Variants in KCNAB1 observed in about 807,000 individuals in gnomAD.
The protein encoded by KCNAB1 is potassium voltage-gated channel subfamily A regulatory beta subunit 1, also known as voltage-gated potassium channel subunit beta-1.
KCNAB1 carries 35 observed loss-of-function variants against 64.6 expected under a neutral mutation model. That is an observed-to-expected ratio of 0.54 (90% CI 0.41 to 0.72). KCNAB1 has a LOEUF of 0.72. Ranked by LOEUF, KCNAB1 falls within the 30% of genes least tolerant of loss-of-function variation. The pLI is 0.00. For missense variants in KCNAB1, 401 were observed against 512.9 expected (o/e 0.78, Z 2.11); for synonymous variants, 177 against 183.8 (o/e 0.96, Z 0.30).
intron 1 of KCNAB1, among the ~76,000 whole-genome samples, chr3:156,313,010 T>C (rs1037484857): frequency 2.0e-5 from 3 of 152,196 alleles, no homozygotes; most frequent in Non-Finnish European, 4.4e-5. Context: ...ACCCTGCACC[T>C]CACCCAGTAT....
At chr3:156,175,583 A>C (rs1030504403) in intron 1 of KCNAB1, among the ~76,000 whole-genome samples, 3 of 152,228 alleles carry the variant, frequency 2.0e-5, no homozygotes, top group African/African-American at 7.2e-5. Context: ...GCGCCACTGC[A>C]CTCCAGCCTG....
intron 1 of KCNAB1, among the ~76,000 whole-genome samples, chr3:156,135,082 C>T (rs548623550): frequency 2.6e-5 from 4 of 152,060 alleles, no homozygotes; most frequent in South Asian, 4.2e-4. Context: ...CTGCAACCTC[C>T]GCTTCCTGGG....
At chr3:156,220,576 T>C (rs1715652269) in intron 1 of KCNAB1, among the ~76,000 whole-genome samples, 1 of 152,234 alleles carries the variant, frequency 6.6e-6, no homozygotes, top group East Asian at 1.9e-4. Context: ...TGATTTTTTC[T>C]TGTAAATTTG....
intron 1 of KCNAB1, among the ~76,000 whole-genome samples, chr3:156,350,684 G>T (rs1274201489): frequency 6.6e-6 from 1 of 152,132 alleles, no homozygotes; most frequent in Non-Finnish European, 1.5e-5. Flanking sequence ...CTGAAGATGA[G>T]CAAGAAATAA....
chr3:156,509,420 C>T (rs2108381851), intron 8 of KCNAB1, among the ~76,000 whole-genome samples: 1 of 152,172 alleles, frequency 6.6e-6, no homozygotes, highest in Non-Finnish European at 1.5e-5. Context: ...CCAGGAGCTA[C>T]ACCCTGAGAC....
In KCNAB1 at chr3:156,514,369, G is replaced by A; in HGVS notation, c.664G>A (p.Val222Ile). ...PDSNTPMEEIVRAMTHVINQG... is the reference protein window; with the variant it reads ...PDSNTPMEEIIRAMTHVINQG... ...GTCTGTTTGACCTTCCACAGAAATT[G>A]TCCGAGCCATGACACATGTGATAAA... The change falls in exon 9 of 14, where the codon GTC becomes ATC. Residue 222 changes from valine to isoleucine, a missense_variant. Val to Ile is a conservative substitution (Grantham distance 29, BLOSUM62 3). Coordinates refer to ENST00000490337, the MANE Select transcript of KCNAB1 (RefSeq NM_172160.3). The A allele has an allele frequency of 6.2e-7, 1 of 1,613,708 alleles. No individual in the cohort carries two copies. Among genetic ancestry groups the A allele is most frequent in the Non-Finnish European group, 8.5e-7 (1 of 1,179,644 alleles).
chr3:156,254,979 G>A (rs527255547), intron 1 of KCNAB1, among the ~76,000 whole-genome samples: 205 of 152,306 alleles, frequency 1.3e-3, no homozygotes, highest in Non-Finnish European at 2.4e-3. Flanking sequence ...TGCAACAGCA[G>A]AATGTGGAGA....
chr3:156,437,624 T>A (rs1159156128), intron 2 of KCNAB1, among the ~76,000 whole-genome samples: 1 of 152,180 alleles, frequency 6.6e-6, no homozygotes, highest in Non-Finnish European at 1.5e-5. Context: ...TTATTTTTTT[T>A]TATTTCACAT....
At chr3:156,204,914 C>T (rs537896716) in intron 1 of KCNAB1, among the ~76,000 whole-genome samples, 18 of 152,100 alleles carry the variant, frequency 1.2e-4, no homozygotes, top group African/African-American at 4.1e-4. Flanking sequence ...ATGATGGACT[C>T]GAATCAGATG....
intron 1 of KCNAB1, among the ~76,000 whole-genome samples, chr3:156,329,308 A>G (rs1723180821): frequency 2.0e-5 from 3 of 152,106 alleles, no homozygotes; most frequent in Admixed American, 1.3e-4. Context: ...TGAGCTGGAA[A>G]TGGGATGGAG....
rs141614570 is a variant in KCNAB1, at chr3:156,357,091, C to T, written c.276-64525C>T. On this transcript the variant is annotated intron_variant, in intron 1 of 13. Transcript: ENST00000490337. The stretch of plus-strand genomic sequence containing the variant: ...AGTCACAATGAAATACAGATTTATG[C>T]ATGAGCATGTACTCATACCACACAT... Among the ~76,000 whole-genome samples, 63 of 152,140 alleles carry T rather than the reference C, an allele frequency of 4.1e-4. 1 individual carries two copies. The highest frequency in any genetic ancestry group is 1.4e-3 in the African/African-American group (59 of 41,508).
chr3:156,365,313 A>T (rs756868716), intron 1 of KCNAB1, among the ~76,000 whole-genome samples: 1 of 152,206 alleles, frequency 6.6e-6, no homozygotes, highest in African/African-American at 2.4e-5. Flanking sequence ...ATGACGGAAC[A>T]TGTGTAAGTT....
intron 1 of KCNAB1, among the ~76,000 whole-genome samples, chr3:156,159,981 G>A (rs1485438019): frequency 6.6e-6 from 1 of 152,222 alleles, no homozygotes; most frequent in Non-Finnish European, 1.5e-5. Flanking sequence ...GGTAGTTAGA[G>A]TCTGGCATAA....
chr3:156,463,563 A>G (rs1713106229), intron 5 of KCNAB1, 139 bp from the exon 6 acceptor site: 2 of 694,436 alleles, frequency 2.9e-6, no homozygotes, highest in Middle Eastern at 3.7e-4. Flanking sequence ...GAGATGGATT[A>G]ACAAATTTAC....
upstream of KCNAB1, among the ~76,000 whole-genome samples, chr3:156,119,851 C>A (rs561853179): frequency 6.6e-6 from 1 of 152,286 alleles, no homozygotes; most frequent in Non-Finnish European, 1.5e-5. Context: ...CACATCCATG[C>A]ACATACAGGC....
chr3:156,126,954 G>C (rs77001361), intron 1 of KCNAB1, among the ~76,000 whole-genome samples: 14,189 of 152,254 alleles, frequency 0.093, 921 homozygotes, highest in Middle Eastern at 0.16. Context: ...TCATGAGATT[G>C]TTATTGGAGA....
At chr3:156,268,799 C>T (rs1368612840) in intron 1 of KCNAB1, among the ~76,000 whole-genome samples, 1 of 152,116 alleles carries the variant, frequency 6.6e-6, no homozygotes, top group Non-Finnish European at 1.5e-5. Context: ...CAAATATTTT[C>T]TCCCAGTATC....
intron 1 of KCNAB1, among the ~76,000 whole-genome samples, chr3:156,382,923 G>A (rs1473575991): frequency 6.6e-6 from 1 of 152,240 alleles, no homozygotes; most frequent in African/African-American, 2.4e-5. Context: ...TAGACTGACT[G>A]ATAACCATCC....
rs909660964 is a variant in KCNAB1, at chr3:156,508,685, G to A, written c.659-5679G>A. ...TTCTACACCCATTATCCCACGTCAA[G>A]CTTTGAAAGAATTTCACAACATCCA... On this transcript the variant is annotated intron_variant, in intron 8 of 13. Coordinates refer to ENST00000490337, the MANE Select transcript of KCNAB1 (RefSeq NM_172160.3). The surrounding 1 kb of genome is among the most constrained non-coding windows in gnomAD (Gnocchi z 4.1). 3.9e-5 allele frequency among the ~76,000 whole-genome samples: 6 copies of A among 152,254 alleles called. No individual in the cohort carries two copies. Among genetic ancestry groups the A allele is most frequent in the Non-Finnish European group, 7.4e-5 (5 of 68,020 alleles).
Sources: allele counts gnomAD v4.1 joint callset (sites outside exome capture counted in the v4.1 genomes callset), GRCh38; gene constraint gnomAD v4.1.1; non-coding constraint Gnocchi (gnomAD v3.1); transcripts MANE v1.5; gene names NCBI Gene and HGNC (gene_info 2026-07-23, HGNC 2026-07-21).